The following SKAP1 variants were observed in gnomAD, a reference collection of about 807,000 sequenced individuals.
The protein encoded by SKAP1 is src kinase-associated phosphoprotein 1.
A neutral mutation model predicts 58.5 loss-of-function variants in SKAP1; 44 were observed. The ratio of observed to expected loss-of-function variants is 0.75; its 90% CI spans 0.59 to 0.97. SKAP1 has a LOEUF of 0.97. Ranked by LOEUF, SKAP1 falls within the 50% of genes least tolerant of loss-of-function variation. The probability of loss-of-function intolerance (pLI) is 0.00; values close to 1 mark genes in which losing one functional copy is unlikely to be tolerated. For missense variants in SKAP1, 390 were observed against 435.2 expected, an observed-to-expected ratio of 0.90 and a Z score of 0.92; for synonymous variants, 127 against 149.7, an observed-to-expected ratio of 0.85 and a Z score of 1.11.
chr17:48,270,702 T>C (rs2065619235), intron 4 of SKAP1, among the ~76,000 whole-genome samples: 1 of 152,036 alleles, frequency 6.6e-6, no homozygotes. Context: ...TTTAATGCTG[T>C]TTTGTAGCAT....
intron 4 of SKAP1, among the ~76,000 whole-genome samples, chr17:48,345,104 A>G (rs1421604243): frequency 1.3e-5 from 2 of 152,228 alleles, no homozygotes; most frequent in African/African-American, 4.8e-5. Flanking sequence ...CGCATCCATG[A>G]TGATGAAACC....
chr17:48,374,797 T>C (rs1163710512), intron 2 of SKAP1, among the ~76,000 whole-genome samples: 2 of 152,216 alleles, frequency 1.3e-5, no homozygotes, highest in Non-Finnish European at 2.9e-5. Context: ...AAGAGTAACA[T>C]GGCCAGTGAC....
rs1555589700 is a variant in SKAP1, at chr17:48,141,392, G to GTTTTTT, written c.979-4061_979-4056dup. On this transcript the variant is annotated intron_variant, in intron 11 of 12. Transcript: ENST00000336915. Reference sequence around the variant, plus strand: ...TTAACTGGTTTTTGTTTTTGTTTTTGTTTTTTTTGAGCCATAGCCCCTGTT... The same window carrying GTTTTTT: ...TTAACTGGTTTTTGTTTTTGTTTTTGTTTTTTTTTTTTTTGAGCCATAGCCCCTGTT... Among the ~76,000 whole-genome samples, 132 of 151,288 alleles carry GTTTTTT rather than the reference G, an allele frequency of 8.7e-4. 1 individual carries two copies. The highest frequency in any genetic ancestry group is 2.5e-3 in the African/African-American group (103 of 41,188).
chr17:48,435,881 C>A, the SKAP1 span, among the ~76,000 whole-genome samples: 3 of 152,184 alleles, frequency 2.0e-5, no homozygotes, highest in African/African-American at 7.2e-5. Context: ...TAACAAGAAC[C>A]ACCAGCATTC....
At chr17:48,388,931 G>A (rs1195701742) in intron 2 of SKAP1, among the ~76,000 whole-genome samples, 1 of 152,160 alleles carries the variant, frequency 6.6e-6, no homozygotes, top group Non-Finnish European at 1.5e-5. Context: ...TTACAAATGA[G>A]AGTCACTCAC....
chr17:48,325,093 CA>C (rs1251861089), intron 4 of SKAP1, among the ~76,000 whole-genome samples: 2 of 151,762 alleles, frequency 1.3e-5, no homozygotes, highest in African/African-American at 2.4e-5. Context: ...CTAACAAATA[CA>C]AAAAATTAGC....
chr17:48,227,827 C>A (rs2065085839), intron 4 of SKAP1, among the ~76,000 whole-genome samples: 1 of 152,156 alleles, frequency 6.6e-6, no homozygotes, highest in South Asian at 2.1e-4. Flanking sequence ...CTTCAGCGAA[C>A]TGATCAATTT....
chr17:48,386,739 G>C (rs542749879), intron 2 of SKAP1, among the ~76,000 whole-genome samples: 249 of 152,318 alleles, frequency 1.6e-3, no homozygotes, highest in Non-Finnish European at 1.7e-3. Context: ...GGCAGGAGCA[G>C]GGAAGGGAAG....
chr17:48,352,631 A>G (rs1225685922), intron 3 of SKAP1, among the ~76,000 whole-genome samples: 2 of 152,318 alleles, frequency 1.3e-5, no homozygotes, highest in Admixed American at 6.5e-5. Context: ...TAATAATTAT[A>G]TAATAGCTAG....
At chr17:48,189,642 A>T in intron 4 of SKAP1, 142 bp from the exon 5 acceptor site, 1 of 583,242 alleles carries the variant, frequency 1.7e-6, no homozygotes, top group Non-Finnish European at 3.0e-6. Context: ...CAATTTCTGT[A>T]TGATTGGAGG....
At chr17:48,245,890 G>A (rs2065291026) in intron 4 of SKAP1, among the ~76,000 whole-genome samples, 1 of 152,070 alleles carries the variant, frequency 6.6e-6, no homozygotes, top group Non-Finnish European at 1.5e-5. Flanking sequence ...CAGGATAATC[G>A]CTTGAACCCA....
At chr17:48,351,655 T>C (rs1168963013) in intron 3 of SKAP1, among the ~76,000 whole-genome samples, 1 of 152,184 alleles carries the variant, frequency 6.6e-6, no homozygotes. Flanking sequence ...CTACAGTTTT[T>C]AGCTTAGCTT....
chr17:48,420,540 C>A (rs1252489090), intron 1 of SKAP1, among the ~76,000 whole-genome samples: 1 of 152,036 alleles, frequency 6.6e-6, no homozygotes, highest in Non-Finnish European at 1.5e-5. Flanking sequence ...AGGCTGGGAA[C>A]TAAATCAAGT....
chr17:48,309,210 ATAAG>A (rs2066188776), intron 4 of SKAP1, among the ~76,000 whole-genome samples: 1 of 152,140 alleles, frequency 6.6e-6, no homozygotes, highest in Non-Finnish European at 1.5e-5. Context: ...AAAAACAACC[ATAAG>A]TAGTGGTTCT....
chr17:48,185,003 G>A, intron 6 of SKAP1, 156 bp from the exon 7 acceptor site: 3 of 664,564 alleles, frequency 4.5e-6, no homozygotes, highest in Non-Finnish European at 7.4e-6. Flanking sequence ...CTTAAGAAGA[G>A]GCTACTGCGA....
the SKAP1 span, among the ~76,000 whole-genome samples, chr17:48,440,955 T>C: frequency 6.6e-6 from 1 of 152,236 alleles, no homozygotes; most frequent in Non-Finnish European, 1.5e-5. Flanking sequence ...GCCTCTTTCC[T>C]TAAACTCCAT....
intron 4 of SKAP1, among the ~76,000 whole-genome samples, chr17:48,214,930 G>GTAAAGTAAAATAAAA (rs2064919581): frequency 1.6e-5 from 2 of 126,880 alleles, no homozygotes; most frequent in Non-Finnish European, 3.2e-5. Context: ...TCAAAATAAA[G>GTAAAGTAAAATAAAA]TAAAATAAAA....
chr17:48,405,446 TTTCTTTTCTTTCTTTCTTTCC>T (rs2067566054), intron 1 of SKAP1, among the ~76,000 whole-genome samples: 9 of 59,282 alleles, frequency 1.5e-4, no homozygotes, highest in African/African-American at 4.6e-4. Context: ...TCTTTCTTTC[TTTCTTTTCTTTCTTTCTTTCC>T]TTCCTTCCTT....
chr17:48,181,434 T>C (rs1404336496), intron 8 of SKAP1, among the ~76,000 whole-genome samples: 1 of 152,216 alleles, frequency 6.6e-6, no homozygotes, highest in East Asian at 1.9e-4. Context: ...TCAATGTTCA[T>C]GTTTGCCTAG....
Sources: allele counts gnomAD v4.1 joint callset (sites outside exome capture counted in the v4.1 genomes callset), GRCh38; gene constraint gnomAD v4.1.1; transcripts MANE v1.5; gene names NCBI Gene and HGNC (gene_info 2026-07-23, HGNC 2026-07-21).